The following SLC35D4 variants were observed in gnomAD, a reference collection of about 807,000 sequenced individuals.
SLC35D4 encodes solute carrier family 35 member D4, also known as UDP-N-acetylglucosamine transporter SLC35D4.
At chr18:23,371,872 A>AC in the SLC35D4 span, among the ~76,000 whole-genome samples, 1 of 141,680 alleles carries the variant, frequency 7.1e-6, no homozygotes. Context: ...TTCTTCCCTT[A>AC]TTATTCTCCA....
the SLC35D4 span, among the ~76,000 whole-genome samples, chr18:23,433,761 C>A: frequency 2.0e-5 from 3 of 151,386 alleles, no homozygotes; most frequent in Non-Finnish European, 4.4e-5. Context: ...TTTCTTTCTA[C>A]GAATAAATAG....
At chr18:23,256,713 G>A in the SLC35D4 span, among the ~76,000 whole-genome samples, 9 of 152,246 alleles carry the variant, frequency 5.9e-5, no homozygotes, top group South Asian at 1.7e-3. Flanking sequence ...TCAAACTCCC[G>A]ACCTCAAGTG....
chr18:23,274,557 C>T, the SLC35D4 span, among the ~76,000 whole-genome samples: 22 of 152,334 alleles, frequency 1.4e-4, no homozygotes, highest in Non-Finnish European at 2.4e-4. Flanking sequence ...CCATCACATA[C>T]GTGCTGGACA....
the SLC35D4 span, among the ~76,000 whole-genome samples, chr18:23,360,848 T>A: frequency 2.0e-5 from 3 of 152,090 alleles, no homozygotes; most frequent in Non-Finnish European, 2.9e-5. Flanking sequence ...ACGCCTGTAA[T>A]CCTAGCACTT....
At chr18:23,425,172 T>C in the SLC35D4 span, among the ~76,000 whole-genome samples, 1 of 152,132 alleles carries the variant, frequency 6.6e-6, no homozygotes, top group South Asian at 2.1e-4. Context: ...ATGATCTCAG[T>C]TCATTGCAAC....
the SLC35D4 span, among the ~76,000 whole-genome samples, chr18:23,323,449 C>T: frequency 2.6e-5 from 4 of 152,218 alleles, no homozygotes; most frequent in African/African-American, 7.2e-5. Flanking sequence ...TAGCTCAACA[C>T]TTCCTGAAGA....
At chr18:23,370,922 C>T in the SLC35D4 span, among the ~76,000 whole-genome samples, 4 of 152,126 alleles carry the variant, frequency 2.6e-5, no homozygotes, top group Admixed American at 6.5e-5. Context: ...TGAGGAAAAA[C>T]TTCAAAATAG....
chr18:23,302,185 G>A, the SLC35D4 span, among the ~76,000 whole-genome samples: 1 of 152,234 alleles, frequency 6.6e-6, no homozygotes, highest in Non-Finnish European at 1.5e-5. Context: ...TGCAGCAAGT[G>A]CCTACGGAGC....
chr18:23,338,752 G>A, the SLC35D4 span, among the ~76,000 whole-genome samples: 1 of 152,120 alleles, frequency 6.6e-6, no homozygotes, highest in Admixed American at 6.6e-5. Context: ...CCTTGACTCT[G>A]TGCCCAACTT....
At chr18:23,375,066 G>A in the SLC35D4 span, among the ~76,000 whole-genome samples, 1 of 151,306 alleles carries the variant, frequency 6.6e-6, no homozygotes, top group Non-Finnish European at 1.5e-5. Flanking sequence ...AGTGAGCCAA[G>A]ATGGCACCAC....
the SLC35D4 span, among the ~76,000 whole-genome samples, chr18:23,321,284 G>A: frequency 1.3e-5 from 2 of 152,080 alleles, no homozygotes; most frequent in East Asian, 3.8e-4. Context: ...TAGTTGTTTC[G>A]GTTGAGATAC....
chr18:23,407,584 C>A, the SLC35D4 span, among the ~76,000 whole-genome samples: 1 of 152,066 alleles, frequency 6.6e-6, no homozygotes, highest in African/African-American at 2.4e-5. Flanking sequence ...ATCTCACACA[C>A]ACACACACAC....
At chr18:23,343,160 T>C in the SLC35D4 span, among the ~76,000 whole-genome samples, 68 of 152,338 alleles carry the variant, frequency 4.5e-4, 1 homozygote, top group Non-Finnish European at 7.9e-4. Context: ...TGATCTCAGG[T>C]GATCCACCTG....
At chr18:23,346,061 A>G in the SLC35D4 span, among the ~76,000 whole-genome samples, 1 of 152,130 alleles carries the variant, frequency 6.6e-6, no homozygotes, top group African/African-American at 2.4e-5. Flanking sequence ...GCTTGAGGCC[A>G]GGAGTTTGAA....
At chr18:23,409,358 C>G in the SLC35D4 span, among the ~76,000 whole-genome samples, 2 of 152,194 alleles carry the variant, frequency 1.3e-5, no homozygotes, top group African/African-American at 4.8e-5. Flanking sequence ...TGCTTCACTT[C>G]ACATCTTTCC....
the SLC35D4 span, chr18:23,356,621 T>C: frequency 2.5e-6 from 4 of 1,614,096 alleles, no homozygotes; most frequent in Non-Finnish European, 3.4e-6. The surrounding 1 kb of genome is among the most constrained non-coding windows in gnomAD (Gnocchi z 4.1). Flanking sequence ...ATGGAATCTG[T>C]AGAAGTACAG....
the SLC35D4 span, among the ~76,000 whole-genome samples, chr18:23,354,318 G>A: frequency 7.0e-6 from 1 of 143,030 alleles, no homozygotes; most frequent in Non-Finnish European, 1.5e-5. Context: ...TGGCTAACAC[G>A]GTGAAACCCC....
chr18:23,264,290 G>A, the SLC35D4 span, among the ~76,000 whole-genome samples: 1 of 152,092 alleles, frequency 6.6e-6, no homozygotes, highest in Non-Finnish European at 1.5e-5. Flanking sequence ...AGGCAAAGCG[G>A]GAACAGGCAC....
chr18:23,301,835 G>A, the SLC35D4 span, among the ~76,000 whole-genome samples: 1 of 152,142 alleles, frequency 6.6e-6, no homozygotes, highest in Non-Finnish European at 1.5e-5. Flanking sequence ...TTTTGAAATA[G>A]AGGGAATTAA....
Sources: gnomAD v4.1 joint callset for allele counts (sites outside exome capture counted in the v4.1 genomes callset) on GRCh38, gnomAD v4.1.1 for gene constraint, Gnocchi (gnomAD v3.1) non-coding constraint, MANE v1.5 for transcripts, NCBI Gene and HGNC (gene_info 2026-07-23, HGNC 2026-07-21) for gene names.